ERBB4: variants seen among roughly 807,000 people sequenced by gnomAD.
The protein encoded by ERBB4 is erb-b2 receptor tyrosine kinase 4.
In ERBB4, 42 loss-of-function variants were observed where a neutral mutation model predicts 158.0. That is an observed-to-expected ratio of 0.27 (90% CI 0.21 to 0.34). The LOEUF is 0.34. Ranked by LOEUF, ERBB4 falls within the 10% of genes least tolerant of loss-of-function variation. The pLI, the probability that ERBB4 is intolerant of heterozygous loss-of-function variation, is 1.00. For missense variants in ERBB4, 1,333 were observed against 1,624.1 expected (o/e 0.82, Z 3.08); for synonymous variants, 583 against 558.7 (o/e 1.04, Z -0.61).
chr2:212,384,995 A>G (rs1274123390), intron 1 of ERBB4, among the ~76,000 whole-genome samples: 1 of 150,302 alleles, frequency 6.7e-6, no homozygotes, highest in East Asian at 2.0e-4. Context: ...TCCACAATAT[A>G]TTATTTTTAA....
intron 2 of ERBB4, among the ~76,000 whole-genome samples, chr2:212,102,212 C>A (rs1388272098): frequency 6.7e-6 from 1 of 150,022 alleles, no homozygotes. Context: ...TTTTCTCTAA[C>A]TCTGGTGTTC....
chr2:212,014,738 A>T (rs1306343972), intron 2 of ERBB4, among the ~76,000 whole-genome samples: 1 of 152,082 alleles, frequency 6.6e-6, no homozygotes, highest in Non-Finnish European at 1.5e-5. Context: ...TTAAAAGTAC[A>T]TAGTCAACAC....
intron 1 of ERBB4, among the ~76,000 whole-genome samples, chr2:212,209,515 G>A (rs2082867866): frequency 6.6e-6 from 1 of 152,034 alleles, no homozygotes; most frequent in African/African-American, 2.4e-5. Context: ...ATGCACCAGA[G>A]ACTAGAGGTT....
At chr2:211,515,912 A>ATTTTTTT (rs1553555083) in intron 20 of ERBB4, among the ~76,000 whole-genome samples, 1 of 78,976 alleles carries the variant, frequency 1.3e-5, no homozygotes, top group Non-Finnish European at 2.4e-5. Flanking sequence ...ATATATATAT[A>ATTTTTTT]TTTTTTTTTT....
In ERBB4 at chr2:212,113,159, A is replaced by T. The variant is rs1046971729; in HGVS notation, c.234+11593T>A. On this transcript the variant is annotated intron_variant, in intron 2 of 27. Transcript: ENST00000342788. ...GCATGTTAAGGTTAGGGGAATAGAG[A>T]TAGCTTATATTTAGAACAAGTTAGT... is the stretch of plus-strand genomic sequence containing the variant. 7.2e-5 allele frequency among the ~76,000 whole-genome samples: 11 copies of T among 152,276 alleles called. No homozygotes were observed. The East Asian group carries it at 2.1e-3, about 29-fold the overall frequency.
chr2:211,999,581 T>A (rs2125275847), intron 2 of ERBB4, among the ~76,000 whole-genome samples: 1 of 151,896 alleles, frequency 6.6e-6, no homozygotes, highest in South Asian at 2.1e-4. Context: ...CATAAAAGAA[T>A]CAAATGAATG....
intron 1 of ERBB4, among the ~76,000 whole-genome samples, chr2:212,167,744 G>A (rs762690554): frequency 1.3e-5 from 2 of 152,112 alleles, no homozygotes; most frequent in African/African-American, 2.4e-5. Context: ...TATACACCAT[G>A]GAATACTATG....
intron 3 of ERBB4, among the ~76,000 whole-genome samples, chr2:211,835,786 T>A (rs763933646): frequency 1.6e-4 from 25 of 152,058 alleles, no homozygotes; most frequent in Non-Finnish European, 3.2e-4. Flanking sequence ...AAGTAGGTCA[T>A]GATCATATTA....
chr2:211,796,430 AAATGCCT>A (rs2105878090), intron 3 of ERBB4, among the ~76,000 whole-genome samples: 1 of 152,106 alleles, frequency 6.6e-6, no homozygotes, highest in South Asian at 2.1e-4. Context: ...ACTTCCTAGA[AAATGCCT>A]TTAGATGATT....
intron 3 of ERBB4, among the ~76,000 whole-genome samples, chr2:211,902,538 T>G (rs1261508476): frequency 6.6e-6 from 1 of 151,916 alleles, no homozygotes; most frequent in African/African-American, 2.4e-5. Flanking sequence ...TATGTATATG[T>G]AAGAGAAAAA....
rs529358526 is a variant in ERBB4 at position 212,154,170 on chromosome 2, A to G, written c.83-29267T>C. The stretch of plus-strand genomic sequence containing the variant: ...TGAATGAATTCTTTCAGCAACTGCA[A>G]TTCTACTAAGAGTTGTCTCCTCTGT... On this transcript the variant is annotated intron_variant, in intron 1 of 27. Transcript: ENST00000342788. Among the ~76,000 whole-genome samples the G allele has an allele frequency of 4.5e-4, 68 of 152,302 alleles. 1 individual carries two copies. Among genetic ancestry groups the G allele is most frequent in the Admixed American group, 4.3e-3 (65 of 15,284 alleles).
At chr2:211,978,757 G>A (rs1340100734) in intron 2 of ERBB4, among the ~76,000 whole-genome samples, 1 of 152,118 alleles carries the variant, frequency 6.6e-6, no homozygotes, top group Non-Finnish European at 1.5e-5. Flanking sequence ...CTGGTGACCT[G>A]AGGATATGTC....
chr2:211,976,386 C>A (rs1038894307), intron 2 of ERBB4, among the ~76,000 whole-genome samples: 2 of 152,092 alleles, frequency 1.3e-5, no homozygotes, highest in Non-Finnish European at 2.9e-5. Context: ...CTTGTTCATT[C>A]ACAGAATTGA....
intron 3 of ERBB4, among the ~76,000 whole-genome samples, chr2:211,917,544 A>G (rs751531247): frequency 1.7e-4 from 26 of 152,170 alleles, no homozygotes; most frequent in Non-Finnish European, 3.1e-4. Context: ...CAAAACTGGG[A>G]TTTGAACCCA....
intron 1 of ERBB4, among the ~76,000 whole-genome samples, chr2:212,295,865 T>C (rs1040644247): frequency 1.3e-5 from 2 of 152,084 alleles, no homozygotes; most frequent in African/African-American, 2.4e-5. Flanking sequence ...TACGTGAATT[T>C]TAGCCAGAAA....
At position 212,302,548 on chromosome 2, in the gene ERBB4, C is replaced by T. The variant is rs1178475183; in HGVS notation, c.83-177645G>A. On this transcript the variant is annotated intron_variant, in intron 1 of 27. Transcript: ENST00000342788. ...TTTATTACCTCATATAATTGCAGTACGATAAAACATTGGCAAAATATGAGT... is the reference window on the plus strand; with the variant it reads ...TTTATTACCTCATATAATTGCAGTATGATAAAACATTGGCAAAATATGAGT... Among the ~76,000 whole-genome samples, 5 of 151,208 alleles carry T rather than the reference C, an allele frequency of 3.3e-5. 1 individual carries two copies. Among genetic ancestry groups the T allele is most frequent in the Non-Finnish European group, 4.4e-5 (3 of 67,530 alleles).
At chr2:212,404,688 G>C (rs1041289821) in intron 1 of ERBB4, among the ~76,000 whole-genome samples, 13 of 152,046 alleles carry the variant, frequency 8.6e-5, no homozygotes, top group African/African-American at 2.7e-4. Flanking sequence ...ACATGTGAAG[G>C]TTTGTTACAT....
intron 1 of ERBB4, among the ~76,000 whole-genome samples, chr2:212,151,385 A>G (rs2080864081): frequency 6.6e-6 from 1 of 150,674 alleles, no homozygotes; most frequent in Non-Finnish European, 1.5e-5. Context: ...AAAGCATATA[A>G]TGTGACAATA....
chr2:212,034,912 T>A (rs1339853980), intron 2 of ERBB4, among the ~76,000 whole-genome samples: 5 of 152,168 alleles, frequency 3.3e-5, no homozygotes, highest in African/African-American at 1.2e-4. Flanking sequence ...TTTTCAAAAT[T>A]CAGTTTGTGT....
Sources: gnomAD v4.1 joint callset for allele counts (sites outside exome capture counted in the v4.1 genomes callset) on GRCh38, gnomAD v4.1.1 for gene constraint, MANE v1.5 for transcripts, NCBI Gene and HGNC (gene_info 2026-07-23, HGNC 2026-07-21) for gene names.